Variants in POR observed in about 807,000 individuals in gnomAD.
POR encodes NADPH--cytochrome P450 reductase.
A neutral mutation model predicts 84.0 loss-of-function variants in POR; 56 were observed. The ratio of observed to expected loss-of-function variants is 0.67; its 90% CI spans 0.54 to 0.83. POR has a LOEUF of 0.83. Among genes scored for constraint, POR ranks in the 40% least tolerant of loss-of-function variants. POR has a pLI of 0.00. For missense variants in POR, 938 were observed against 944.3 expected (o/e 0.99, Z 0.09); for synonymous variants, 414 against 400.5 (o/e 1.03, Z -0.40).
At chr7:75,945,922 G>A (rs1410562403) in intron 1 of POR, among the ~76,000 whole-genome samples, 3 of 152,178 alleles carry the variant, frequency 2.0e-5, no homozygotes, top group Non-Finnish European at 2.9e-5. Flanking sequence ...TTCCAGTGTT[G>A]CAAATGGTTG....
chr7:75,957,246 G>C, intron 2 of POR, among the ~76,000 whole-genome samples: 1 of 152,122 alleles, frequency 6.6e-6, no homozygotes, highest in Non-Finnish European at 1.5e-5. Context: ...CTGCAGGAGG[G>C]GTGTTGGGCA....
chr7:75,957,507 G>A (rs1217111703), intron 2 of POR, among the ~76,000 whole-genome samples: 11 of 151,152 alleles, frequency 7.3e-5, no homozygotes, highest in Admixed American at 2.7e-4. Flanking sequence ...CCGCCCCACC[G>A]CCGTGAGTGA....
chr7:75,984,419 C>T (rs1000146781), intron 10 of POR, among the ~76,000 whole-genome samples: 1 of 152,208 alleles, frequency 6.6e-6, no homozygotes, highest in Non-Finnish European at 1.5e-5. Context: ...CCTCAGCTGC[C>T]ATGCCAGGGC....
chr7:75,951,472 G>A (rs1030679789), intron 1 of POR, among the ~76,000 whole-genome samples: 1 of 152,158 alleles, frequency 6.6e-6, no homozygotes, highest in African/African-American at 2.4e-5. Context: ...TCAGATTAGT[G>A]AGAAAGCAAA....
At chr7:75,985,293 C>T in intron 12 of POR, 86 bp downstream of exon 12, 1 of 1,431,352 alleles carries the variant, frequency 7.0e-7, no homozygotes. Flanking sequence ...CACAGGAGCT[C>T]CGAGATCTGA....
chr7:75,972,369 A>G (rs959869104), intron 2 of POR, 44 bp from the exon 3 acceptor site: 5 of 1,573,156 alleles, frequency 3.2e-6, no homozygotes, highest in Admixed American at 1.8e-5. Flanking sequence ...CCTGTGTCCC[A>G]TGACACCTGC....
chr7:75,947,095 T>C (rs1173609232), intron 1 of POR: 1 of 152,218 alleles, frequency 6.6e-6, no homozygotes, highest in African/African-American at 2.4e-5. Context: ...GGATTTTACA[T>C]CTTTGCGAAG....
At chr7:75,984,070 C>A (rs1554558631) in intron 10 of POR, among the ~76,000 whole-genome samples, 2 of 152,176 alleles carry the variant, frequency 1.3e-5, no homozygotes, top group African/African-American at 4.8e-5. Flanking sequence ...CCTACCCCGT[C>A]ACTGTCATAG....
intron 2 of POR, chr7:75,968,181 AG>A: frequency 2.2e-6 from 1 of 462,068 alleles, no homozygotes. Flanking sequence ...CCCCTTGGCC[AG>A]GGGACGCCTG....
At chr7:75,938,118 A>G (rs911673164) in intron 1 of POR, among the ~76,000 whole-genome samples, 2 of 152,176 alleles carry the variant, frequency 1.3e-5, no homozygotes, top group South Asian at 4.1e-4. Flanking sequence ...ACGCTTGCAC[A>G]GATCTGACTC....
intron 1 of POR, among the ~76,000 whole-genome samples, chr7:75,936,086 C>CTTT (rs869164954): frequency 2.0e-3 from 202 of 99,716 alleles, no homozygotes; most frequent in African/African-American, 2.4e-3. Context: ...TTCTTTCTTT[C>CTTT]TTTTTTTTTT....
At chr7:75,956,136 C>A (rs1313312032) in intron 2 of POR, among the ~76,000 whole-genome samples, 1 of 151,918 alleles carries the variant, frequency 6.6e-6, no homozygotes, top group African/African-American at 2.4e-5. Context: ...CCGTCTCTAC[C>A]GAAAATACAA....
At chr7:75,939,502 T>C (rs1807858179) in intron 1 of POR, among the ~76,000 whole-genome samples, 1 of 150,672 alleles carries the variant, frequency 6.6e-6, no homozygotes, top group South Asian at 2.1e-4. Context: ...ACAAAGTCTG[T>C]GAATAAGAAG....
rs372715546 is a variant in POR, at chr7:75,980,485, C to G, written c.513C>G (p.Phe171Leu). Residue 171 changes from phenylalanine (F) to leucine (L), a missense_variant, in exon 5 of 16, where the codon TTC becomes TTG. Phe to Leu is a conservative substitution (Grantham distance 22, BLOSUM62 0). Coordinates refer to ENST00000461988, the MANE Select transcript of POR (RefSeq NM_000941.3). ...ACGTGGATCTCTCTGGGGTCAAGTTCGCGGTGAGTCACCCAGAGACTGCTA... is the reference window on the plus strand; with the variant it reads ...ACGTGGATCTCTCTGGGGTCAAGTTGGCGGTGAGTCACCCAGAGACTGCTA... 6.2e-7 allele frequency: 1 copy of G among 1,612,862 alleles called. No homozygotes were observed. Among genetic ancestry groups the G allele is most frequent in the African/African-American group, 1.3e-5 (1 of 74,980 alleles).
intron 4 of POR, chr7:75,979,908 TGGTGACG>T: frequency 2.6e-6 from 1 of 378,684 alleles, no homozygotes; most frequent in Middle Eastern, 8.0e-4. Flanking sequence ...TTCGAGGTCT[TGGTGACG>T]GGCACTACCC....
Position 75,986,376 on chromosome 7 carries a change from C to T in POR, c.1938C>T (p.Phe646=). Residue 646 remains phenylalanine, a synonymous_variant, in exon 16 of 16, where the codon TTC becomes TTT. Coordinates refer to ENST00000461988, the MANE Select transcript of POR (RefSeq NM_000941.3). The stretch of plus-strand genomic sequence containing the variant: ...TGGCCAGGGATGTGCAGAACACCTT[C>T]TACGACATCGTGGCTGAGCTCGGGG... 6.2e-7 allele frequency: 1 copy of T among 1,612,652 alleles called. No homozygotes were observed. The highest frequency in any genetic ancestry group is 1.1e-5 in the South Asian group (1 of 91,076).
intron 1 of POR, chr7:75,918,651 A>G (rs1554548414): frequency 3.3e-5 from 5 of 152,024 alleles, no homozygotes. Flanking sequence ...TGGGCACTTG[A>G]GAACTCTCAC....
rs1335012473 is a variant in POR at position 75,985,903 on chromosome 7, C to T, written c.1670-20C>T. ...GTGACGACTGGGAGCCCCGCGCTCA[C>T]CCCGGCCCCTGCCACGCAGGCAAGG... On this transcript the variant is annotated intron_variant, in intron 13 of 15. Transcript: ENST00000461988. The T allele has an allele frequency of 3.2e-6, 5 of 1,569,722 alleles. No homozygotes were observed. Among genetic ancestry groups the T allele is most frequent in the Middle Eastern group, 1.7e-4 (1 of 5,876 alleles).
chr7:75,977,155 G>A lies in POR; in HGVS notation c.238-2296G>A, dbSNP rs369073408. Among the ~76,000 whole-genome samples the A allele has an allele frequency of 1.1e-4, 17 of 152,220 alleles. No homozygotes were observed. The South Asian group carries it at 2.1e-3, about 19-fold the overall frequency. On this transcript the variant is annotated intron_variant, in intron 3 of 15. Transcript: ENST00000461988. ...GAAGTGAGCCACGGCACCCGGCCGC[G>A]TAAGTTTTATTTTGTATGAGGTGGG... is the stretch of plus-strand genomic sequence containing the variant.
Sources: allele counts gnomAD v4.1 joint callset (sites outside exome capture counted in the v4.1 genomes callset), GRCh38; gene constraint gnomAD v4.1.1; transcripts MANE v1.5; gene names NCBI Gene and HGNC (gene_info 2026-07-23, HGNC 2026-07-21).